The following TCHP variants were observed in gnomAD, a reference collection of about 807,000 sequenced individuals.
TCHP encodes trichoplein keratin filament-binding protein.
TCHP carries 81 observed loss-of-function variants against 88.7 expected under a neutral mutation model. That is an observed-to-expected ratio of 0.91 (90% CI 0.76 to 1.10). The LOEUF is 1.10. TCHP is among the 50% of genes least tolerant of loss of function. TCHP has a pLI of 0.00. For missense variants in TCHP, 641 were observed against 632.1 expected (o/e 1.01, Z -0.15); for synonymous variants, 232 against 232.5 (o/e 1.00, Z 0.02).
chr12:109,916,900 A>G lies in TCHP; in HGVS notation c.*277A>G, dbSNP rs1373247101. ...ATAGTCTTGTAATATATTAACAGTC[A>G]CATCAACTGAAGGTCAATACTAAGA... is the stretch of plus-strand genomic sequence containing the variant. On this transcript the variant is annotated 3_prime_UTR_variant, in exon 13 of 13. Transcript: ENST00000405876. 1.9e-5 allele frequency: 7 copies of G among 368,874 alleles called. No homozygotes were observed. The highest frequency in any genetic ancestry group is 3.4e-5 in the Non-Finnish European group (7 of 206,682). 22.9% of individuals were successfully genotyped at this position (368,874 alleles called of 1,614,324 possible).
chr12:109,913,119 G>A, intron 10 of TCHP, 47 bp downstream of exon 10: 3 of 1,589,220 alleles, frequency 1.9e-6, no homozygotes, highest in Non-Finnish European at 2.6e-6. Flanking sequence ...GTCTTGGGCA[G>A]GTGTCTGGAA....
In TCHP at chr12:109,917,323, G is replaced by A. The variant is rs1034521430; in HGVS notation, c.*700G>A. The A allele has an allele frequency of 4.6e-5, 7 of 152,092 alleles. No homozygotes were observed. Among genetic ancestry groups the A allele is most frequent in the Non-Finnish European group, 1.5e-5 (1 of 68,022 alleles). The allele number at this position is 152,092 out of a possible 1,614,324, so 9.4% of individuals were successfully genotyped here. A position where few individuals can be genotyped will look rare whatever the true frequency, so the allele number is the denominator to read the frequency against. Reference sequence around the variant, plus strand: ...CATGTATGTTACTAAGCCCCAAAACGAACTTCAAACTGGGTGTGGTGGCAC... The same window carrying A: ...CATGTATGTTACTAAGCCCCAAAACAAACTTCAAACTGGGTGTGGTGGCAC... On this transcript the variant is annotated 3_prime_UTR_variant, in exon 13 of 13. Coordinates refer to ENST00000405876, the MANE Select transcript of TCHP (RefSeq NM_001143852.2).
At chr12:109,897,710 A>AC (rs1281025637), upstream of TCHP, among the ~76,000 whole-genome samples, 1 of 151,836 alleles carries the variant, frequency 6.6e-6, no homozygotes, top group Non-Finnish European at 1.5e-5. Context: ...AGTGCATGCC[A>AC]CCACACCTGG....
chr12:109,904,743 G>C lies in TCHP; in HGVS notation c.406G>C (p.Glu136Gln). The C allele has an allele frequency of 1.9e-6, 3 of 1,611,156 alleles. No homozygotes were observed. The highest frequency in any genetic ancestry group is 2.5e-6 in the Non-Finnish European group (3 of 1,179,292). The stretch of plus-strand genomic sequence containing the variant: ...TTTTGTGTTTTCTTGATAGATTGCT[G>C]AACAACTTTTGTACGAACACTGGAA... ...AKEEQRKLIAEQLLYEHWKKN... is the reference protein window; with the variant it reads ...AKEEQRKLIAQQLLYEHWKKN... Residue 136 changes from glutamate to glutamine, a missense_variant, in exon 4 of 13, where the codon GAA becomes CAA. By Grantham distance (29) the Glu-to-Gln change is conservative. Transcript: ENST00000405876.
At chr12:109,887,965 G>A in the TCHP span, 2 of 152,212 alleles carry the variant, frequency 1.3e-5, no homozygotes, top group African/African-American at 4.8e-5. Flanking sequence ...GTTAAGACAG[G>A]GTCTCACTAT....
the TCHP span, among the ~76,000 whole-genome samples, chr12:109,894,225 G>A: frequency 8.6e-5 from 13 of 151,604 alleles, no homozygotes; most frequent in East Asian, 1.4e-3. Context: ...TTGGGAGGCC[G>A]AGGCGGGCGG....
chr12:109,890,060 G>GT, the TCHP span, among the ~76,000 whole-genome samples: 2 of 152,204 alleles, frequency 1.3e-5, no homozygotes, highest in Admixed American at 1.3e-4. Context: ...GATAAAAATA[G>GT]TATTTTGATC....
chr12:109,905,045 G>A lies in TCHP; in HGVS notation c.456+252G>A. 2 of 498,320 alleles carry A rather than the reference G, an allele frequency of 4.0e-6. No homozygotes were observed. The highest frequency in any genetic ancestry group is 7.4e-5 in the Admixed American group (2 of 26,846). 30.9% of individuals were successfully genotyped at this position (498,320 alleles called of 1,614,324 possible). A position where few individuals can be genotyped will look rare whatever the true frequency, so the allele number is the denominator to read the frequency against. Reference sequence around the variant, plus strand: ...GGCATGGAGATTAGACATGGTTTCTGCTCATTAGCTTGTGTCCAGCATGGG... The same window carrying A: ...GGCATGGAGATTAGACATGGTTTCTACTCATTAGCTTGTGTCCAGCATGGG... On this transcript the variant is annotated intron_variant, in intron 4 of 12. Coordinates refer to ENST00000405876, the MANE Select transcript of TCHP (RefSeq NM_001143852.2). This position sits in a 1 kb window ranked among gnomAD's most constrained non-coding sequence, Gnocchi z 4.0.
chr12:109,903,314 G>A lies in TCHP; in HGVS notation c.188+100G>A. On this transcript the variant is annotated intron_variant, in intron 2 of 12. Transcript: ENST00000405876. This position sits in a 1 kb window ranked among gnomAD's most constrained non-coding sequence, Gnocchi z 4.6. The stretch of plus-strand genomic sequence containing the variant: ...TAGGGAGCGTAGGATTTGCCAGGCA[G>A]TATGAATTACCTGCATGGTGATGTT... The A allele has an allele frequency of 1.8e-6, 2 of 1,117,324 alleles. No homozygotes were observed. Among genetic ancestry groups the A allele is most frequent in the Non-Finnish European group, 2.5e-6 (2 of 788,248 alleles). 69.2% of individuals were successfully genotyped at this position (1,117,324 alleles called of 1,614,324 possible).
At position 109,911,188 on chromosome 12, in the gene TCHP, G is replaced by A. The variant is rs1471143380; in HGVS notation, c.1005G>A (p.Gln335=). ...VAWMKQAIEE[Q]LQLERAREAE... ...GGATGAAGCAGGCCATTGAGGAGCAGCTGCAGCTGGAGCGGGCGCGGGAGG... is the reference window on the plus strand; with the variant it reads ...GGATGAAGCAGGCCATTGAGGAGCAACTGCAGCTGGAGCGGGCGCGGGAGG... The change falls in exon 9 of 13, where the codon CAG becomes CAA. Residue 335 remains glutamine (Q), a synonymous_variant. Coordinates refer to ENST00000405876, the MANE Select transcript of TCHP (RefSeq NM_001143852.2). The A allele has an allele frequency of 1.3e-6, 2 of 1,590,380 alleles. No individual in the cohort carries two copies. Among genetic ancestry groups the A allele is most frequent in the East Asian group, 2.3e-5 (1 of 43,912 alleles).
the TCHP span, among the ~76,000 whole-genome samples, chr12:109,887,524 TCTC>T: frequency 1.3e-5 from 2 of 152,098 alleles, no homozygotes; most frequent in Non-Finnish European, 2.9e-5. Context: ...GTAGTTCCCT[TCTC>T]CTGCAGTGAG....
At chr12:109,884,483 C>T in the TCHP span, among the ~76,000 whole-genome samples, 12 of 152,216 alleles carry the variant, frequency 7.9e-5, no homozygotes, top group South Asian at 6.2e-4. Context: ...CCACTGCACC[C>T]GGCCGAATCC....
At chr12:109,893,694 G>A in the TCHP span, among the ~76,000 whole-genome samples, 5 of 152,134 alleles carry the variant, frequency 3.3e-5, no homozygotes, top group African/African-American at 1.2e-4. Context: ...GACCGGGAGG[G>A]GTGAGCATTG....
Position 109,914,316 on chromosome 12 carries a change from G to A in TCHP, c.1135-126G>A, listed in dbSNP as rs143225720. On this transcript the variant is annotated intron_variant, in intron 10 of 12. Coordinates refer to ENST00000405876, the MANE Select transcript of TCHP (RefSeq NM_001143852.2). ...TCCTGTCATCTGGCTCTGCCTCTGC[G>A]TACCTGGGCCTGAGGCCCAAGGATG... 8.1e-4 allele frequency: 631 copies of A among 783,304 alleles called. 5 individuals carry two copies. The East Asian group carries it at 0.014, about 18-fold the overall frequency. The allele number at this position is 783,304 out of a possible 1,614,324, so 48.5% of individuals were successfully genotyped here.
chr12:109,899,218 AC>A (rs1352911208), upstream of TCHP, among the ~76,000 whole-genome samples: 1 of 152,220 alleles, frequency 6.6e-6, no homozygotes, highest in East Asian at 1.9e-4. Context: ...AGAAAAGAGA[AC>A]AAACAAGTAT....
upstream of TCHP, among the ~76,000 whole-genome samples, chr12:109,898,794 A>G (rs905838278): frequency 2.0e-5 from 3 of 152,030 alleles, no homozygotes; most frequent in African/African-American, 7.3e-5. Context: ...CAGCCTGCTA[A>G]TTTTATTTAT....
At chr12:109,915,136 C>G (rs1027074611) in intron 11 of TCHP, 1 of 554,096 alleles carries the variant, frequency 1.8e-6, no homozygotes, top group Non-Finnish European at 3.2e-6. Context: ...CAGCTTTCCA[C>G]GAGGTACACG....
intron 5 of TCHP, among the ~76,000 whole-genome samples, chr12:109,907,177 A>G (rs1303337614): frequency 2.0e-5 from 3 of 152,224 alleles, no homozygotes; most frequent in East Asian, 1.9e-4. Context: ...CGTGGGCCAC[A>G]GGGTCCAGCT....
chr12:109,908,666 G>A lies in TCHP; in HGVS notation c.780G>A (p.Gln260=). The A allele has an allele frequency of 6.3e-7, 1 of 1,599,724 alleles. No individual in the cohort carries two copies. The highest frequency in any genetic ancestry group is 8.5e-7 in the Non-Finnish European group (1 of 1,174,628). Residue 260 remains glutamine (Q), a synonymous_variant, in exon 7 of 13, where the codon CAG becomes CAA. Transcript: ENST00000405876. ...ELERLEEERK[Q]MEAFRQKAEL... is the part of the protein sequence containing the mutation. ...AGAGGCTGGAGGAAGAGCGAAAGCA[G>A]ATGGAAGCCTTCCGGCAGAAGGCAG...
Sources: allele counts gnomAD v4.1 joint callset (sites outside exome capture counted in the v4.1 genomes callset), GRCh38; gene constraint gnomAD v4.1.1; non-coding constraint Gnocchi (gnomAD v3.1); transcripts MANE v1.5; gene names NCBI Gene and HGNC (gene_info 2026-07-23, HGNC 2026-07-21).